PTPRE: variants seen among roughly 807,000 people sequenced by gnomAD.
PTPRE encodes the protein receptor-type tyrosine-protein phosphatase epsilon.
In PTPRE, 51 loss-of-function variants were observed where a neutral mutation model predicts 102.0. The ratio of observed to expected loss-of-function variants is 0.50; its 90% CI spans 0.40 to 0.63. PTPRE has a LOEUF of 0.63. Ranked by LOEUF, PTPRE falls within the 30% of genes least tolerant of loss-of-function variation. The probability of loss-of-function intolerance (pLI) is 0.00; values close to 1 mark genes in which losing one functional copy is unlikely to be tolerated. For synonymous variants in PTPRE, 345 were observed against 348.2 expected (o/e 0.99, Z 0.10); for missense variants, 752 against 915.1 (o/e 0.82, Z 2.30).
At chr10:128,019,373 C>T (rs575382790) in intron 2 of PTPRE, among the ~76,000 whole-genome samples, 141 of 152,122 alleles carry the variant, frequency 9.3e-4, no homozygotes, top group African/African-American at 2.7e-3. Flanking sequence ...CAGAAGATCT[C>T]CACGCGATGC....
chr10:127,912,708 T>C (rs918524119), intron 1 of PTPRE, among the ~76,000 whole-genome samples: 2 of 152,172 alleles, frequency 1.3e-5, no homozygotes, highest in Non-Finnish European at 2.9e-5. Context: ...AACAATAGCA[T>C]TTGGTGTGAG....
chr10:127,910,379 G>A (rs140415150), intron 1 of PTPRE, among the ~76,000 whole-genome samples: 1 of 152,256 alleles, frequency 6.6e-6, no homozygotes, highest in Non-Finnish European at 1.5e-5. Flanking sequence ...AAGCCTTCCT[G>A]GCTCCCCTAC....
intron 1 of PTPRE, among the ~76,000 whole-genome samples, chr10:127,929,071 G>A (rs1847230436): frequency 6.6e-6 from 1 of 152,160 alleles, no homozygotes; most frequent in Non-Finnish European, 1.5e-5. Flanking sequence ...TTACACACGT[G>A]CTACTTAATC....
intron 1 of PTPRE, among the ~76,000 whole-genome samples, chr10:127,961,133 G>T (rs187968093): frequency 6.6e-6 from 1 of 152,146 alleles, no homozygotes; most frequent in African/African-American, 2.4e-5. Flanking sequence ...CCGGGGCTTT[G>T]CGAGGGGTCT....
In PTPRE at chr10:127,912,925, T is replaced by A. The variant is rs12261236; in HGVS notation, c.-31+5616T>A. The stretch of plus-strand genomic sequence containing the variant: ...CCTTCCCTGCCATGATTTTACTCTG[T>A]CTGAATACCAGCAGCAAGTGGAAGC... On this transcript the variant is annotated intron_variant, in intron 1 of 20. Coordinates refer to ENST00000254667, the MANE Select transcript of PTPRE (RefSeq NM_006504.6). 3.4e-3 allele frequency among the ~76,000 whole-genome samples: 514 copies of A among 152,350 alleles called. 5 individuals are homozygous for A. Among genetic ancestry groups the A allele is most frequent in the African/African-American group, 0.012 (505 of 41,582 alleles).
chr10:127,999,747 T>G, intron 2 of PTPRE: 1 of 985,418 alleles, frequency 1.0e-6, no homozygotes, highest in Non-Finnish European at 1.2e-6. Context: ...CCCTGCTGGA[T>G]CTTTGCTCTG....
At chr10:127,984,931 G>A (rs1179593039) in intron 2 of PTPRE, among the ~76,000 whole-genome samples, 3 of 152,228 alleles carry the variant, frequency 2.0e-5, no homozygotes, top group Admixed American at 1.3e-4. Context: ...TAGAATACCA[G>A]ACTGATCTAT....
intron 7 of PTPRE, 69 bp downstream of exon 7, chr10:128,056,282 C>T: frequency 2.3e-6 from 3 of 1,322,918 alleles, no homozygotes; most frequent in Non-Finnish European, 3.3e-6. Context: ...CCTTGCAGCT[C>T]CCCGTGACTG....
chr10:128,011,759 G>GT (rs1466878279), intron 2 of PTPRE, among the ~76,000 whole-genome samples: 1 of 152,232 alleles, frequency 6.6e-6, no homozygotes, highest in Non-Finnish European at 1.5e-5. Context: ...CCCCAAGAGG[G>GT]TGCCATGGCT....
At chr10:127,933,076 T>A (rs1847566314) in intron 1 of PTPRE, among the ~76,000 whole-genome samples, 1 of 152,220 alleles carries the variant, frequency 6.6e-6, no homozygotes, top group Non-Finnish European at 1.5e-5. Flanking sequence ...TAAGGGCTCA[T>A]GTGGTAACAC....
chr10:127,972,760 C>G (rs954327033), intron 1 of PTPRE, among the ~76,000 whole-genome samples: 1 of 152,206 alleles, frequency 6.6e-6, no homozygotes, highest in Non-Finnish European at 1.5e-5. Context: ...GCTGCTTCTC[C>G]CTCCCTTGGA....
Position 128,084,932 on chromosome 10 carries a change from A to G in PTPRE, c.*2026A>G. ...TAATGGTCTAACTGGCATCTCTTGT[A>G]TCAAGAAGTACCTTTAAGGTAGACC... On this transcript the variant is annotated 3_prime_UTR_variant, in exon 21 of 21. Transcript: ENST00000254667. The G allele has an allele frequency of 7.0e-6, 2 of 286,800 alleles. No homozygotes were observed. Among genetic ancestry groups the G allele is most frequent in the East Asian group, 8.8e-5 (1 of 11,378 alleles). 17.8% of individuals were successfully genotyped at this position (286,800 alleles called of 1,614,324 possible).
rs1851358769 is a variant in PTPRE, at chr10:128,077,857, C to T, written c.1892+74C>T. On this transcript the variant is annotated intron_variant, in intron 19 of 20. Transcript: ENST00000254667. ...CCCCCCCAGTACCCGCAGCTGTGGG[C>T]AGCAGAGCCTGGTCGCTGCCCCTGG... is the stretch of plus-strand genomic sequence containing the variant. 6.7e-6 allele frequency: 10 copies of T among 1,498,854 alleles called. No homozygotes were observed. In the South Asian group the frequency reaches 1.0e-4, roughly 16 times the overall value. 92.8% of individuals were successfully genotyped at this position (1,498,854 alleles called of 1,614,324 possible).
At chr10:127,935,451 G>A (rs1370537611) in intron 1 of PTPRE, among the ~76,000 whole-genome samples, 1 of 152,112 alleles carries the variant, frequency 6.6e-6, no homozygotes, top group East Asian at 1.9e-4. Context: ...ATTGGTGATG[G>A]ATGTCCACTG....
chr10:128,077,815 G>A (rs757093298), intron 19 of PTPRE, 32 bp downstream of exon 19: 3 of 1,561,420 alleles, frequency 1.9e-6, no homozygotes, highest in South Asian at 2.3e-5. Flanking sequence ...CTCCAGGTGG[G>A]GTGGACACAG....
intron 1 of PTPRE, among the ~76,000 whole-genome samples, chr10:127,933,628 TA>T (rs1470782983): frequency 1.3e-5 from 2 of 152,210 alleles, no homozygotes. Context: ...AATCACAAAT[TA>T]ATATTAAAAA....
intron 1 of PTPRE, among the ~76,000 whole-genome samples, chr10:127,922,677 C>T (rs965911710): frequency 6.6e-6 from 1 of 152,232 alleles, no homozygotes; most frequent in African/African-American, 2.4e-5. Flanking sequence ...TTCCACTGAA[C>T]CCGTAAGAGA....
chr10:127,981,482 A>G (rs536442312), intron 1 of PTPRE, among the ~76,000 whole-genome samples: 157 of 151,256 alleles, frequency 1.0e-3, no homozygotes, highest in Non-Finnish European at 1.9e-3. Context: ...TTATGTCTCA[A>G]TAAAACTGTT....
intron 17 of PTPRE, among the ~76,000 whole-genome samples, chr10:128,073,900 C>T (rs796652245): frequency 6.6e-6 from 1 of 152,160 alleles, no homozygotes. Context: ...TATTTCTTTG[C>T]TCTAAAAAGG....
Sources: gnomAD v4.1 joint callset for allele counts (sites outside exome capture counted in the v4.1 genomes callset) on GRCh38, gnomAD v4.1.1 for gene constraint, MANE v1.5 for transcripts, NCBI Gene and HGNC (gene_info 2026-07-23, HGNC 2026-07-21) for gene names.